The following OR2M7 variants were observed in gnomAD, a reference collection of about 807,000 sequenced individuals.
OR2M7 encodes the protein olfactory receptor family 2 subfamily M member 7, also known as olfactory receptor 2M7.
For synonymous variants in OR2M7, 129 were observed against 135.0 expected, an observed-to-expected ratio of 0.96 and a Z score of 0.31; for missense variants, 390 against 386.8, an observed-to-expected ratio of 1.01 and a Z score of -0.07.
Position 248,324,254 on chromosome 1 carries a change from T to C in OR2M7, c.315A>G (p.Ile105Met). The C allele has an allele frequency of 1.2e-6, 2 of 1,614,042 alleles. No individual in the cohort carries two copies. Among genetic ancestry groups the C allele is most frequent in the Non-Finnish European group, 1.7e-6 (2 of 1,179,994 alleles). ...GAAAGCATTCGGAGCCAAGCAATGA[T>C]ATATAGAAGAAAATTTGTGTGGCAC... ...AGCATQIFFY[I>M]SLLGSECFLL... The change falls in exon 1 of 1, where the codon ATA becomes ATG. Residue 105 changes from isoleucine (I) to methionine (M), a missense_variant. Ile to Met is a conservative substitution (Grantham distance 10, BLOSUM62 1). Transcript: ENST00000317965.
At position 248,324,159 on chromosome 1, in the gene OR2M7, C is replaced by G; in HGVS notation, c.410G>C (p.Arg137Thr). Residue 137 changes from arginine to threonine, a missense_variant, in exon 1 of 1, where the codon AGA (arginine) becomes ACA (threonine). Arg to Thr is a moderately conservative substitution (Grantham distance 71). Coordinates refer to ENST00000317965, the MANE Select transcript of OR2M7 (RefSeq NM_001004691.1). The part of the protein sequence containing the change: ...CHPLRYTNLM[R>T]PKICGLMTAF... ...AGTCATAAGTCCACAAATTTTGGGT[C>G]TCATGAGATTGGTGTATCTTAGAGG... 9.3e-6 allele frequency: 15 copies of G among 1,613,882 alleles called. No individual in the cohort carries two copies. The highest frequency in any genetic ancestry group is 1.2e-5 in the Non-Finnish European group (14 of 1,179,870).
In OR2M7 at chr1:248,323,917, A is replaced by G; in HGVS notation, c.652T>C (p.Tyr218His). ...ATGACAGCCAGAATAACTCGAGCAT[A>G]GGAAGTGATGATGATTGCAACAGGG... ...VFPVAIIITS[Y>H]ARVILAVIHM... Residue 218 changes from tyrosine to histidine, a missense_variant, in exon 1 of 1, where the codon TAT becomes CAT. By Grantham distance (83) the Tyr-to-His change is moderately conservative. Transcript: ENST00000317965. 1 of 1,613,176 alleles carries G rather than the reference A, an allele frequency of 6.2e-7. No homozygotes were observed. Among genetic ancestry groups the G allele is most frequent in the Non-Finnish European group, 8.5e-7 (1 of 1,179,850 alleles).
chr1:248,324,439 T>C lies in OR2M7; in HGVS notation c.130A>G (p.Ile44Val), dbSNP rs548825496. 28 of 1,613,872 alleles carry C rather than the reference T, an allele frequency of 1.7e-5. No individual in the cohort carries two copies. In the East Asian group the frequency reaches 4.5e-4, roughly 26 times the overall value. ...TCCAGGTAGATGAGGAGAACCATGATGGAGTTTCCCATGAAGGCCACTGAA... is the reference window on the plus strand; with the variant it reads ...TCCAGGTAGATGAGGAGAACCATGACGGAGTTTCCCATGAAGGCCACTGAA... The part of the protein sequence containing the change: ...IFSVAFMGNS[I>V]MVLLIYLDTQ... Residue 44 changes from isoleucine to valine, a missense_variant, in exon 1 of 1, where the codon ATC (isoleucine) becomes GTC (valine). Transcript: ENST00000317965.
Position 248,324,331 on chromosome 1 carries a change from T to G in OR2M7, c.238A>C (p.Lys80Gln). 6.2e-7 allele frequency: 1 copy of G among 1,614,072 alleles called. No homozygotes were observed. Among genetic ancestry groups the G allele is most frequent in the East Asian group, 2.2e-5 (1 of 44,886 alleles). The change falls in exon 1 of 1, where the codon AAG (lysine) becomes CAG (glutamine). Residue 80 changes from lysine to glutamine, a missense_variant. Physicochemically the swap from Lys to Gln is moderately conservative, Grantham distance 53 (BLOSUM62 1). Transcript: ENST00000317965. ...CCAGACAAGTAGTTGAAGGCCATCTTGGGTACAGTGGTGCAGATGAGCATG... is the reference window on the plus strand; with the variant it reads ...CCAGACAAGTAGTTGAAGGCCATCTGGGGTACAGTGGTGCAGATGAGCATG... ...DLMLICTTVP[K>Q]MAFNYLSGSK...
In OR2M7 at chr1:248,324,360, T is replaced by A; in HGVS notation, c.209A>T (p.Asp70Val). 1 of 1,613,900 alleles carries A rather than the reference T, an allele frequency of 6.2e-7. No individual in the cohort carries two copies. The highest frequency in any genetic ancestry group is 8.5e-7 in the Non-Finnish European group (1 of 1,179,912). Reference sequence around the variant, plus strand: ...TACAGTGGTGCAGATGAGCATGAGGTCCATGAGGGACAGTTGGCTGAGGAG... The same window carrying A: ...TACAGTGGTGCAGATGAGCATGAGGACCATGAGGGACAGTTGGCTGAGGAG... ...YFLLSQLSLMDLMLICTTVPK... is the reference protein window; with the variant it reads ...YFLLSQLSLMVLMLICTTVPK... The change falls in exon 1 of 1, where the codon GAC becomes GTC. Residue 70 changes from aspartate (D) to valine (V), a missense_variant. Asp to Val is a radical substitution (Grantham distance 152). Transcript: ENST00000317965.
rs778806230 is a variant in OR2M7 at position 248,324,232 on chromosome 1, A to G, written c.337T>C (p.Phe113Leu). The G allele has an allele frequency of 1.9e-6, 3 of 1,614,112 alleles. No individual in the cohort carries two copies. Among genetic ancestry groups the G allele is most frequent in the Non-Finnish European group, 2.5e-6 (3 of 1,179,988 alleles). Reference sequence around the variant, plus strand: ...TCATAAGACATAACAGCCAACAGAAAGCATTCGGAGCCAAGCAATGATATA... The same window carrying G: ...TCATAAGACATAACAGCCAACAGAAGGCATTCGGAGCCAAGCAATGATATA... ...FYISLLGSEC[F>L]LLAVMSYDRY... The change falls in exon 1 of 1, where the codon TTT becomes CTT. Residue 113 changes from phenylalanine to leucine, a missense_variant. Physicochemically the swap from Phe to Leu is conservative, Grantham distance 22 (BLOSUM62 0). Transcript: ENST00000317965.
Position 248,323,653 on chromosome 1 carries a change from C to A in OR2M7, c.916G>T (p.Gly306Ter). The A allele has an allele frequency of 6.3e-7, 1 of 1,587,672 alleles. No homozygotes were observed. Among genetic ancestry groups the A allele is most frequent in the Non-Finnish European group, 8.6e-7 (1 of 1,167,502 alleles). ...EVTRALMKIL[G>*]KGKSGD Reference sequence around the variant, plus strand: ...ACTCAATCTCCAGACTTGCCCTTTCCTAAGATTTTCATTAATGCTCTGGTC... The same window carrying A: ...ACTCAATCTCCAGACTTGCCCTTTCATAAGATTTTCATTAATGCTCTGGTC... Residue 306 changes from glycine (G) to a stop codon, truncating the protein, a stop_gained, in exon 1 of 1, where the codon GGA becomes TGA. Coordinates refer to ENST00000317965, the MANE Select transcript of OR2M7 (RefSeq NM_001004691.1). LOFTEE classifies it low-confidence loss of function (END_TRUNC).
Position 248,323,828 on chromosome 1 carries a change from C to A in OR2M7, c.741G>T (p.Val247=), listed in dbSNP as rs771444301. The A allele has an allele frequency of 3.1e-6, 5 of 1,613,492 alleles. No homozygotes were observed. Among genetic ancestry groups the A allele is most frequent in the Non-Finnish European group, 4.2e-6 (5 of 1,179,802 alleles). The part of the protein sequence containing the change: ...AFTTCSSHLM[V]VGMYYGAGLF... ...AACCTGCTCCATAGTACATTCCCAC[C>A]ACCATGAGGTGAGAGGAACAAGTAG... is the stretch of plus-strand genomic sequence containing the variant. Residue 247 remains valine (V), a synonymous_variant, in exon 1 of 1, where the codon GTG becomes GTT. Transcript: ENST00000317965.
At position 248,323,733 on chromosome 1, in the gene OR2M7, G is replaced by C. The variant is rs750177631; in HGVS notation, c.836C>G (p.Thr279Ser). The change falls in exon 1 of 1, where the codon ACC becomes AGC. Residue 279 changes from threonine (T) to serine (S), a missense_variant. Physicochemically the swap from Thr to Ser is moderately conservative, Grantham distance 58 (BLOSUM62 1). Transcript: ENST00000317965. ...MQDKMVSVFY[T>S]IVTPMLNPLI... The stretch of plus-strand genomic sequence containing the variant: ...AGGATTCAGCATGGGAGTGACGATG[G>C]TGTAGAATACAGACACCATCTTGTC... The C allele has an allele frequency of 4.3e-6, 7 of 1,613,638 alleles. No individual in the cohort carries two copies. Among genetic ancestry groups the C allele is most frequent in the Non-Finnish European group, 5.9e-6 (7 of 1,179,696 alleles).
chr1:248,324,422 G>A lies in OR2M7; in HGVS notation c.147C>T (p.Ile49=), dbSNP rs375002937. ...GGGTGTGGAGCTGGGTATCCAGGTAGATGAGGAGAACCATGATGGAGTTTC... is the reference window on the plus strand; with the variant it reads ...GGGTGTGGAGCTGGGTATCCAGGTAAATGAGGAGAACCATGATGGAGTTTC... ...FMGNSIMVLL[I]YLDTQLHTPM... Residue 49 remains isoleucine, a synonymous_variant, in exon 1 of 1, where the codon ATC becomes ATT. Coordinates refer to ENST00000317965, the MANE Select transcript of OR2M7 (RefSeq NM_001004691.1). The A allele has an allele frequency of 1.2e-4, 192 of 1,613,948 alleles. No individual in the cohort carries two copies. The highest frequency in any genetic ancestry group is 1.5e-4 in the Non-Finnish European group (179 of 1,179,994).
In OR2M7 at chr1:248,324,393, A is replaced by T. The variant is rs371721833; in HGVS notation, c.176T>A (p.Met59Lys). ...GGACAGTTGGCTGAGGAGGAAGTAC[A>T]TGGGGGTGTGGAGCTGGGTATCCAG... ...IYLDTQLHTP[M>K]YFLLSQLSLM... Residue 59 changes from methionine (M) to lysine (K), a missense_variant, in exon 1 of 1, where the codon ATG (methionine) becomes AAG (lysine). Coordinates refer to ENST00000317965, the MANE Select transcript of OR2M7 (RefSeq NM_001004691.1). The T allele has an allele frequency of 1.2e-6, 2 of 1,613,870 alleles. No homozygotes were observed. Among genetic ancestry groups the T allele is most frequent in the South Asian group, 2.2e-5 (2 of 91,052 alleles).
Position 248,323,891 on chromosome 1 carries a change from A to T in OR2M7, c.678T>A (p.Ile226=). The T allele has an allele frequency of 6.2e-7, 1 of 1,612,876 alleles. No individual in the cohort carries two copies. The highest frequency in any genetic ancestry group is 8.5e-7 in the Non-Finnish European group (1 of 1,179,830). The change falls in exon 1 of 1, where the codon ATT becomes ATA. Residue 226 remains isoleucine, a synonymous_variant. Coordinates refer to ENST00000317965, the MANE Select transcript of OR2M7 (RefSeq NM_001004691.1). ...GACGTCCCTCTCCAGATCCCATGTG[A>T]ATGACAGCCAGAATAACTCGAGCAT... The part of the protein sequence containing the change: ...TSYARVILAV[I]HMGSGEGRRK...
rs764597079 is a variant in OR2M7 at position 248,324,205 on chromosome 1, G to A, written c.364C>T (p.Arg122Cys). The A allele has an allele frequency of 1.7e-5, 28 of 1,613,868 alleles. No individual in the cohort carries two copies. The highest frequency in any genetic ancestry group is 9.9e-5 in the South Asian group (9 of 91,078). The change falls in exon 1 of 1, where the codon CGC becomes TGC. Residue 122 changes from arginine (R) to cysteine (C), a missense_variant. Coordinates refer to ENST00000317965, the MANE Select transcript of OR2M7 (RefSeq NM_001004691.1). Reference sequence around the variant, plus strand: ...AGAGGGTGGCAAATGGCAGTGTAGCGGTCATAAGACATAACAGCCAACAGA... The same window carrying A: ...AGAGGGTGGCAAATGGCAGTGTAGCAGTCATAAGACATAACAGCCAACAGA... ...CFLLAVMSYDRYTAICHPLRY... is the reference protein window; with the variant it reads ...CFLLAVMSYDCYTAICHPLRY...
chr1:248,324,451 T>C lies in OR2M7; in HGVS notation c.118A>G (p.Met40Val). Residue 40 changes from methionine to valine, a missense_variant, in exon 1 of 1, where the codon ATG becomes GTG. Physicochemically the swap from Met to Val is conservative, Grantham distance 21. Transcript: ENST00000317965. ...AGGAGAACCATGATGGAGTTTCCCATGAAGGCCACTGAAAAGATGGCCAGG... is the reference window on the plus strand; with the variant it reads ...AGGAGAACCATGATGGAGTTTCCCACGAAGGCCACTGAAAAGATGGCCAGG... Reference protein sequence around the residue: ...LVLAIFSVAFMGNSIMVLLIY... With the variant: ...LVLAIFSVAFVGNSIMVLLIY... 1 of 1,613,878 alleles carries C rather than the reference T, an allele frequency of 6.2e-7. No individual in the cohort carries two copies. Among genetic ancestry groups the C allele is most frequent in the South Asian group, 1.1e-5 (1 of 91,052 alleles).
Position 248,324,398 on chromosome 1 carries a change from G to T in OR2M7, c.171C>A (p.Thr57=), listed in dbSNP as rs1453908030. ...LLIYLDTQLH[T]PMYFLLSQLS... ...GTTGGCTGAGGAGGAAGTACATGGG[G>T]GTGTGGAGCTGGGTATCCAGGTAGA... The change falls in exon 1 of 1, where the codon ACC becomes ACA. Residue 57 remains threonine (T), a synonymous_variant. Transcript: ENST00000317965. The T allele has an allele frequency of 6.2e-7, 1 of 1,613,882 alleles. No homozygotes were observed. The highest frequency in any genetic ancestry group is 8.5e-7 in the Non-Finnish European group (1 of 1,179,956).
rs775861128 is a variant in OR2M7, at chr1:248,323,913, G to C, written c.656C>G (p.Ala219Gly). The C allele has an allele frequency of 6.2e-7, 1 of 1,613,060 alleles. No individual in the cohort carries two copies. The highest frequency in any genetic ancestry group is 1.7e-5 in the Admixed American group (1 of 60,008). The change falls in exon 1 of 1, where the codon GCT (alanine) becomes GGT (glycine). Residue 219 changes from alanine (A) to glycine (G), a missense_variant. Transcript: ENST00000317965. ...GTGAATGACAGCCAGAATAACTCGA[G>C]CATAGGAAGTGATGATGATTGCAAC... ...FPVAIIITSY[A>G]RVILAVIHMG...
chr1:248,324,114 C>A lies in OR2M7; in HGVS notation c.455G>T (p.Gly152Val), dbSNP rs1207822223. The change falls in exon 1 of 1, where the codon GGC becomes GTC. Residue 152 changes from glycine (G) to valine (V), a missense_variant. Transcript: ENST00000317965. The stretch of plus-strand genomic sequence containing the variant: ...AGCATCAATGATTCCATCTGTAGAG[C>A]CCAGGATCCAGGAGAAGGCAGTCAT... ...GLMTAFSWIL[G>V]STDGIIDAVA... 1.2e-6 allele frequency: 2 copies of A among 1,613,592 alleles called. No homozygotes were observed. The highest frequency in any genetic ancestry group is 2.2e-5 in the South Asian group (2 of 91,052).
Position 248,324,102 on chromosome 1 carries a change from C to G in OR2M7, c.467G>C (p.Gly156Ala), listed in dbSNP as rs2103046518. 1.2e-6 allele frequency: 2 copies of G among 1,613,824 alleles called. No individual in the cohort carries two copies. Among genetic ancestry groups the G allele is most frequent in the African/African-American group, 1.3e-5 (1 of 74,978 alleles). ...AFSWILGSTD[G>A]IIDAVATFSF... Reference sequence around the variant, plus strand: ...AAATGTCGCTACAGCATCAATGATTCCATCTGTAGAGCCCAGGATCCAGGA... The same window carrying G: ...AAATGTCGCTACAGCATCAATGATTGCATCTGTAGAGCCCAGGATCCAGGA... Residue 156 changes from glycine to alanine, a missense_variant, in exon 1 of 1, where the codon GGA becomes GCA. Transcript: ENST00000317965.
rs1660113599 is a variant in OR2M7 at position 248,323,841 on chromosome 1, G to A, written c.728C>T (p.Ser243Phe). The stretch of plus-strand genomic sequence containing the variant: ...GTACATTCCCACCACCATGAGGTGA[G>A]AGGAACAAGTAGTAAAAGCTTTGCG... ...GRRKAFTTCS[S>F]HLMVVGMYYG... Residue 243 changes from serine (S) to phenylalanine (F), a missense_variant, in exon 1 of 1, where the codon TCT becomes TTT. Physicochemically the swap from Ser to Phe is radical, Grantham distance 155 (BLOSUM62 -2). Transcript: ENST00000317965. The A allele has an allele frequency of 6.2e-7, 1 of 1,613,304 alleles. No homozygotes were observed. Among genetic ancestry groups the A allele is most frequent in the Non-Finnish European group, 8.5e-7 (1 of 1,179,810 alleles).
Sources: gnomAD v4.1 joint callset for allele counts on GRCh38, gnomAD v4.1.1 for gene constraint, MANE v1.5 for transcripts, NCBI Gene and HGNC (gene_info 2026-07-23, HGNC 2026-07-21) for gene names.